ZBTB16: variants seen among roughly 807,000 people sequenced by gnomAD.
ZBTB16 encodes the protein zinc finger and BTB domain containing 16, also known as zinc finger and BTB domain-containing protein 16.
A neutral mutation model predicts 56.8 loss-of-function variants in ZBTB16; 8 were observed. The ratio of observed to expected loss-of-function variants is 0.14; its 90% CI spans 0.08 to 0.25. The LOEUF (loss-of-function observed/expected upper bound fraction) is 0.25. Among genes scored for constraint, ZBTB16 ranks in the 10% least tolerant of loss-of-function variants. The pLI, the probability that ZBTB16 is intolerant of heterozygous loss-of-function variation, is 1.00. For synonymous variants in ZBTB16, 363 were observed against 368.5 expected, an observed-to-expected ratio of 0.98 and a Z score of 0.17; for missense variants, 625 against 903.0, an observed-to-expected ratio of 0.69 and a Z score of 3.95.
chr11:114,229,967 C>T (rs73564856), intron 4 of ZBTB16, among the ~76,000 whole-genome samples: 49 of 152,200 alleles, frequency 3.2e-4, no homozygotes, highest in African/African-American at 1.1e-3. Context: ...TTCCTCTGAA[C>T]GCAGTGAAAT....
intron 2 of ZBTB16, among the ~76,000 whole-genome samples, chr11:114,129,726 C>A (rs1203862432): frequency 6.6e-6 from 1 of 152,220 alleles, no homozygotes; most frequent in Admixed American, 6.5e-5. Flanking sequence ...CACATTTAAA[C>A]AAGCTGGCAA....
At chr11:114,234,619 C>T (rs949959107) in intron 4 of ZBTB16, among the ~76,000 whole-genome samples, 4 of 152,156 alleles carry the variant, frequency 2.6e-5, no homozygotes, top group Admixed American at 6.5e-5. Context: ...GCCATTTGTC[C>T]AGTAGATTCC....
chr11:114,213,224 C>A (rs1270298997), intron 4 of ZBTB16, among the ~76,000 whole-genome samples: 1 of 152,094 alleles, frequency 6.6e-6, no homozygotes. Flanking sequence ...CTTTGTCCAT[C>A]GCTTCCAACT....
At chr11:114,078,145 C>T (rs533351041) in intron 2 of ZBTB16, among the ~76,000 whole-genome samples, 2 of 152,258 alleles carry the variant, frequency 1.3e-5, no homozygotes, top group East Asian at 1.9e-4. Flanking sequence ...ATTTATCATA[C>T]GGTTGATCAG....
At position 114,251,272 on chromosome 11, in the gene ZBTB16, G is replaced by A. The variant is rs541935954; in HGVS notation, c.*717G>A. On this transcript the variant is annotated 3_prime_UTR_variant, in exon 7 of 7. Transcript: ENST00000335953. Reference sequence around the variant, plus strand: ...GTCCCAGCCCCTCAGGGACCTGGCGGTGTCTCCATCCTTCTCCGGTTCCCT... The same window carrying A: ...GTCCCAGCCCCTCAGGGACCTGGCGATGTCTCCATCCTTCTCCGGTTCCCT... Among the ~76,000 whole-genome samples, 3 of 152,226 alleles carry A rather than the reference G, an allele frequency of 2.0e-5. No homozygotes were observed. Among genetic ancestry groups the A allele is most frequent in the East Asian group, 1.9e-4 (1 of 5,154 alleles).
intron 2 of ZBTB16, among the ~76,000 whole-genome samples, chr11:114,124,570 A>ACC (rs1247098921): frequency 0.11 from 15,902 of 146,564 alleles, 998 homozygotes; most frequent in Admixed American, 0.17. Flanking sequence ...AAAAAAAAAA[A>ACC]AACAAAAACA....
intron 2 of ZBTB16, among the ~76,000 whole-genome samples, chr11:114,119,200 G>T (rs1941266546): frequency 6.8e-6 from 1 of 146,990 alleles, no homozygotes; most frequent in African/African-American, 2.5e-5. Context: ...GAGAGGCAGA[G>T]GTTGCAGTGA....
rs114097327 is a variant in ZBTB16, at chr11:114,128,261, G to A, written c.1269-28076G>A. Reference sequence around the variant, plus strand: ...AAGGTGTTGGTGGTTTGGAAGGGCAGTGACCCTGCATGACCAGGATCCATT... The same window carrying A: ...AAGGTGTTGGTGGTTTGGAAGGGCAATGACCCTGCATGACCAGGATCCATT... On this transcript the variant is annotated intron_variant, in intron 2 of 6. Coordinates refer to ENST00000335953, the MANE Select transcript of ZBTB16 (RefSeq NM_006006.6). Among the ~76,000 whole-genome samples, 812 of 152,322 alleles carry A rather than the reference G, an allele frequency of 5.3e-3. 7 individuals are homozygous for A. Among genetic ancestry groups the A allele is most frequent in the African/African-American group, 0.018 (760 of 41,564 alleles).
intron 3 of ZBTB16, among the ~76,000 whole-genome samples, chr11:114,186,632 C>G (rs112381618): frequency 6.6e-6 from 1 of 151,536 alleles, no homozygotes; most frequent in East Asian, 1.9e-4. Context: ...TCTCCTGTCC[C>G]CCCCATCACC....
chr11:114,210,705 T>G (rs189164507), intron 4 of ZBTB16: 1 of 219,938 alleles, frequency 4.5e-6, no homozygotes, highest in African/African-American at 2.2e-5. Context: ...GAGCAAAATT[T>G]TGGAAGGCCA....
chr11:114,080,478 T>C (rs1392708318), intron 2 of ZBTB16, among the ~76,000 whole-genome samples: 1 of 152,162 alleles, frequency 6.6e-6, no homozygotes, highest in Admixed American at 6.5e-5. Context: ...GCATTATTTA[T>C]AGTAAACCAT....
chr11:114,178,403 C>G (rs1043730072), intron 3 of ZBTB16, among the ~76,000 whole-genome samples: 1 of 152,066 alleles, frequency 6.6e-6, no homozygotes, highest in Non-Finnish European at 1.5e-5. Context: ...AGAAACAGGC[C>G]CAGAAGAGAT....
Position 114,064,531 on chromosome 11 carries a change from G to A in ZBTB16, c.1231G>A (p.Val411Ile), listed in dbSNP as rs1330842316. The A allele has an allele frequency of 1.2e-6, 2 of 1,613,978 alleles. No individual in the cohort carries two copies. Among genetic ancestry groups the A allele is most frequent in the South Asian group, 1.1e-5 (1 of 91,072 alleles). Reference protein sequence around the residue: ...TIGEQCSVCGVELPDNEAVEQ... With the variant: ...TIGEQCSVCGIELPDNEAVEQ... ...CGGAGAGCAGTGCAGCGTGTGTGGGGTCGAGCTTCCTGATAACGAGGCTGT... is the reference window on the plus strand; with the variant it reads ...CGGAGAGCAGTGCAGCGTGTGTGGGATCGAGCTTCCTGATAACGAGGCTGT... Residue 411 changes from valine (V) to isoleucine (I), a missense_variant, in exon 2 of 7, where the codon GTC becomes ATC. This residue lies in a region of ZBTB16 where 384 missense variants were observed against 393.5 expected (regional missense o/e 0.98). Transcript: ENST00000335953. The surrounding 1 kb of genome is among the most constrained non-coding windows in gnomAD (Gnocchi z 4.2).
rs550971643 is a variant in ZBTB16 at position 114,212,779 on chromosome 11, G to A, written c.1453+25741G>A. Among the ~76,000 whole-genome samples the A allele has an allele frequency of 3.9e-5, 6 of 152,240 alleles. No homozygotes were observed. The South Asian group carries it at 1.2e-3, about 32-fold the overall frequency. On this transcript the variant is annotated intron_variant, in intron 4 of 6. Coordinates refer to ENST00000335953, the MANE Select transcript of ZBTB16 (RefSeq NM_006006.6). ...TTCCTTGGGCTGGAAGCATCCCTGA[G>A]GGACCACCTGGCTTATCCCCCCATC...
chr11:114,235,667 TTTC>T (rs1944556862), intron 4 of ZBTB16, among the ~76,000 whole-genome samples: 1 of 23,700 alleles, frequency 4.2e-5, no homozygotes, highest in African/African-American at 1.1e-4. Flanking sequence ...TCTTTCTTTC[TTTC>T]TTTCTTTCTT....
chr11:114,161,494 A>G (rs555318601), intron 3 of ZBTB16, among the ~76,000 whole-genome samples: 1 of 152,274 alleles, frequency 6.6e-6, no homozygotes, highest in South Asian at 2.1e-4. Flanking sequence ...CAAGATGGTA[A>G]TGTGTGCAAA....
At chr11:114,095,253 T>TCTTTTTTTC (rs1218074003) in intron 2 of ZBTB16, among the ~76,000 whole-genome samples, 1 of 129,876 alleles carries the variant, frequency 7.7e-6, no homozygotes, top group African/African-American at 3.1e-5. Context: ...TTCTTTTTTT[T>TCTTTTTTTC]TTTTTTTTTT....
chr11:114,246,924 G>A, intron 5 of ZBTB16: 1 of 501,436 alleles, frequency 2.0e-6, no homozygotes, highest in South Asian at 2.1e-5. Flanking sequence ...TGCTTTCTGG[G>A]GACTGCTGTC....
At chr11:114,115,611 T>C (rs1374011173) in intron 2 of ZBTB16, among the ~76,000 whole-genome samples, 1 of 152,206 alleles carries the variant, frequency 6.6e-6, no homozygotes, top group Non-Finnish European at 1.5e-5. Context: ...GTACACCAGC[T>C]TTCCTTCCCG....
Sources: allele counts gnomAD v4.1 joint callset (sites outside exome capture counted in the v4.1 genomes callset), GRCh38; gene constraint gnomAD v4.1.1; regional missense constraint gnomAD v4.1.1; non-coding constraint Gnocchi (gnomAD v3.1); transcripts MANE v1.5; gene names NCBI Gene and HGNC (gene_info 2026-07-23, HGNC 2026-07-21).